The following EYS variants were observed in gnomAD, a reference collection of about 807,000 sequenced individuals.
EYS encodes the protein EGF-like photoreceptor maintenance factor, also known as protein eyes shut homolog.
EYS carries 250 observed loss-of-function variants against 282.1 expected under a neutral mutation model. The ratio of observed to expected loss-of-function variants is 0.89; its 90% CI spans 0.80 to 0.98. EYS has a LOEUF of 0.98. EYS is among the 50% of genes least tolerant of loss of function. The pLI, the probability that EYS is intolerant of heterozygous loss-of-function variation, is 0.00. For synonymous variants in EYS, 1,355 were observed against 1,282.9 expected, an observed-to-expected ratio of 1.06 and a Z score of -1.20; for missense variants, 4,016 against 3,709.0, an observed-to-expected ratio of 1.08 and a Z score of -2.15.
intron 31 of EYS, among the ~76,000 whole-genome samples, chr6:64,089,671 TTTCTA>T (rs1459892413): frequency 1.3e-5 from 2 of 152,016 alleles, no homozygotes; most frequent in African/African-American, 4.8e-5. Flanking sequence ...GACATTCACA[TTTCTA>T]TTAATCCATA....
At chr6:65,438,535 T>G (rs1171256938) in intron 5 of EYS, among the ~76,000 whole-genome samples, 1 of 152,196 alleles carries the variant, frequency 6.6e-6, no homozygotes, top group Non-Finnish European at 1.5e-5. Context: ...CCTGACTTTT[T>G]AATGATCGCC....
chr6:64,468,652 T>A (rs535085526), intron 26 of EYS, among the ~76,000 whole-genome samples: 3 of 152,294 alleles, frequency 2.0e-5, no homozygotes, highest in African/African-American at 7.2e-5. Context: ...CTCACCCTCC[T>A]CCCACCCTCC....
Position 64,659,094 on chromosome 6 carries a change from C to A in EYS, c.3444-32849G>T, listed in dbSNP as rs565231688. On this transcript the variant is annotated intron_variant, in intron 22 of 42. Coordinates refer to ENST00000503581, the MANE Select transcript of EYS (RefSeq NM_001142800.2). The stretch of plus-strand genomic sequence containing the variant: ...GGATTAAGAAACTCACTCAAAACCG[C>A]TCAACTACATGGAAACTGAACAACC... Among the ~76,000 whole-genome samples the A allele has an allele frequency of 2.6e-3, 396 of 152,042 alleles. 4 individuals are homozygous for A. The highest frequency in any genetic ancestry group is 9.1e-3 in the African/African-American group (377 of 41,458).
At chr6:64,350,237 AT>A (rs1332844904) in intron 29 of EYS, among the ~76,000 whole-genome samples, 2 of 151,562 alleles carry the variant, frequency 1.3e-5, no homozygotes, top group Admixed American at 1.3e-4. Flanking sequence ...AGATTGAACA[AT>A]TTTAGAAAAA....
At chr6:65,421,199 C>T (rs1274550602) in intron 5 of EYS, among the ~76,000 whole-genome samples, 1 of 151,628 alleles carries the variant, frequency 6.6e-6, no homozygotes, top group East Asian at 1.9e-4. Flanking sequence ...TTTTTTTTCA[C>T]ATTGAAAATA....
intron 5 of EYS, 49 bp from the exon 6 acceptor site, chr6:65,405,416 G>C: frequency 1.0e-4 from 141 of 1,359,964 alleles, no homozygotes; most frequent in Non-Finnish European, 1.4e-4. Flanking sequence ...AGGAAGGAAA[G>C]AAGAAATGAG....
intron 29 of EYS, among the ~76,000 whole-genome samples, chr6:64,351,689 A>G (rs1771647243): frequency 6.6e-6 from 1 of 151,568 alleles, no homozygotes; most frequent in South Asian, 2.1e-4. Context: ...AATAGGAAGA[A>G]AGTCTATAAA....
intron 5 of EYS, among the ~76,000 whole-genome samples, chr6:65,435,393 T>G (rs1768036605): frequency 6.6e-6 from 1 of 151,922 alleles, no homozygotes; most frequent in South Asian, 2.1e-4. Context: ...AAATTTTGTT[T>G]TATATATATG....
At chr6:64,345,639 G>C (rs1274340234) in intron 29 of EYS, among the ~76,000 whole-genome samples, 1 of 152,032 alleles carries the variant, frequency 6.6e-6, no homozygotes, top group East Asian at 1.9e-4. Flanking sequence ...ACATAGGCAT[G>C]GGCAAGGACT....
chr6:64,941,741 T>C (rs996208661), intron 15 of EYS, among the ~76,000 whole-genome samples: 1 of 152,122 alleles, frequency 6.6e-6, no homozygotes, highest in African/African-American at 2.4e-5. Context: ...TTAATTCACC[T>C]AGAATAATGG....
At chr6:65,330,833 T>C (rs1769770151) in intron 11 of EYS, 3 of 939,158 alleles carry the variant, frequency 3.2e-6, no homozygotes, top group Non-Finnish European at 2.5e-6. Context: ...CTATACACAT[T>C]TAGAGTCTAC....
At chr6:64,082,759 C>A (rs1772015752) in intron 31 of EYS, among the ~76,000 whole-genome samples, 1 of 151,968 alleles carries the variant, frequency 6.6e-6, no homozygotes, top group South Asian at 2.1e-4. Flanking sequence ...CTCACAAAAT[C>A]TTGGTGCACA....
intron 29 of EYS, among the ~76,000 whole-genome samples, chr6:64,359,981 C>T (rs1178516286): frequency 6.6e-6 from 1 of 151,676 alleles, no homozygotes; most frequent in Non-Finnish European, 1.5e-5. Flanking sequence ...AAAATTGTAA[C>T]TCTCTGAAGC....
intron 22 of EYS, among the ~76,000 whole-genome samples, chr6:64,707,349 G>T (rs768954373): frequency 2.0e-4 from 31 of 152,122 alleles, no homozygotes; most frequent in Non-Finnish European, 3.7e-4. Context: ...TGGGGGAAAG[G>T]GAGGCAATAG....
At chr6:64,197,098 T>C (rs1362744750) in intron 31 of EYS, among the ~76,000 whole-genome samples, 1 of 152,180 alleles carries the variant, frequency 6.6e-6, no homozygotes. Flanking sequence ...GTGACCAACT[T>C]GCAGAGATTC....
intron 35 of EYS, among the ~76,000 whole-genome samples, chr6:63,953,390 C>A (rs888304061): frequency 6.6e-6 from 1 of 152,150 alleles, no homozygotes; most frequent in African/African-American, 2.4e-5. Context: ...AGGACACCCT[C>A]CTGCTCCTCC....
At chr6:64,742,844 A>G (rs1301962071) in intron 22 of EYS, among the ~76,000 whole-genome samples, 1 of 152,082 alleles carries the variant, frequency 6.6e-6, no homozygotes, top group African/African-American at 2.4e-5. Context: ...TAATCGTGTC[A>G]TTCATTCAGT....
At chr6:64,226,166 T>C (rs1471567536) in intron 31 of EYS, among the ~76,000 whole-genome samples, 1 of 147,410 alleles carries the variant, frequency 6.8e-6, no homozygotes, top group Non-Finnish European at 1.5e-5. Flanking sequence ...TTAAAGTTAA[T>C]AAATAAATTC....
rs1768037062 is a variant in EYS at position 64,912,642 on chromosome 6, G to C, written c.2483C>G (p.Thr828Ser). 4 of 1,549,796 alleles carry C rather than the reference G, an allele frequency of 2.6e-6. No homozygotes were observed. In the South Asian group the frequency reaches 3.6e-5, roughly 14 times the overall value. ...CMNGGLCHES[T>S]IPGQFVCLCP... ...CAGACATACAAATTGTCCAGGGATG[G>C]TAGATTCATGACAAAGACCTCCATT... The change falls in exon 16 of 43, where the codon ACC (threonine) becomes AGC (serine). Residue 828 changes from threonine (T) to serine (S), a missense_variant. Coordinates refer to ENST00000503581, the MANE Select transcript of EYS (RefSeq NM_001142800.2).
Sources: allele counts gnomAD v4.1 joint callset (sites outside exome capture counted in the v4.1 genomes callset), GRCh38; gene constraint gnomAD v4.1.1; transcripts MANE v1.5; gene names NCBI Gene and HGNC (gene_info 2026-07-23, HGNC 2026-07-21).